The following CELF2 variants were observed in gnomAD, a reference collection of about 807,000 sequenced individuals.
CELF2 encodes the protein CUG triplet repeat RNA-binding protein 2.
In CELF2, 8 loss-of-function variants were observed where a neutral mutation model predicts 62.6. The observed-to-expected ratio is 0.13, with a 90% CI of 0.07 to 0.23. The LOEUF (loss-of-function observed/expected upper bound fraction) is 0.23. CELF2 is among the 10% of genes least tolerant of loss of function. CELF2 has a pLI of 1.00. For missense variants in CELF2, 333 were observed against 671.0 expected, an observed-to-expected ratio of 0.50 and a Z score of 5.56; for synonymous variants, 258 against 250.0, an observed-to-expected ratio of 1.03 and a Z score of -0.30.
At chr10:11,100,159 G>A (rs748627869) in intron 1 of CELF2, among the ~76,000 whole-genome samples, 2 of 151,982 alleles carry the variant, frequency 1.3e-5, no homozygotes, top group Non-Finnish European at 2.9e-5. Flanking sequence ...AGCGTAGATG[G>A]CGCCACTGCA....
At chr10:10,833,025 G>C (rs1456778348) in intron 1 of CELF2, among the ~76,000 whole-genome samples, 1 of 151,230 alleles carries the variant, frequency 6.6e-6, no homozygotes, top group Non-Finnish European at 1.5e-5. Flanking sequence ...GTGTGTGTGT[G>C]TGTGTGTGTG....
At chr10:10,717,209 A>G in the CELF2 span, among the ~76,000 whole-genome samples, 3 of 152,218 alleles carry the variant, frequency 2.0e-5, no homozygotes, top group African/African-American at 7.2e-5. Context: ...ATGACTCTAT[A>G]GTAATGGAAA....
At chr10:10,763,349 G>T in the CELF2 span, among the ~76,000 whole-genome samples, 26 of 152,286 alleles carry the variant, frequency 1.7e-4, no homozygotes, top group Admixed American at 1.3e-3. Flanking sequence ...GCCTTGTGAT[G>T]TGGTCTGTGA....
chr10:10,915,687 A>G (rs1370272463), intron 1 of CELF2, among the ~76,000 whole-genome samples: 2 of 152,184 alleles, frequency 1.3e-5, no homozygotes, highest in East Asian at 1.9e-4. Flanking sequence ...CTCCTACCTC[A>G]GCCTCCCAAA....
chr10:11,078,482 C>T (rs1594760428), intron 1 of CELF2, among the ~76,000 whole-genome samples: 1 of 152,240 alleles, frequency 6.6e-6, no homozygotes, highest in African/African-American at 2.4e-5. Context: ...TTTTCCTTGG[C>T]CTCATTTTAA....
At chr10:11,016,828 T>TA (rs796734090), upstream of CELF2, among the ~76,000 whole-genome samples, 9 of 152,366 alleles carry the variant, frequency 5.9e-5, no homozygotes, top group African/African-American at 2.2e-4. The surrounding 1 kb of genome is among the most constrained non-coding windows in gnomAD (Gnocchi z 5.2). Flanking sequence ...TATGGATGTA[T>TA]AGCTGTATAG....
At chr10:10,706,798 C>T in the CELF2 span, among the ~76,000 whole-genome samples, 10 of 152,164 alleles carry the variant, frequency 6.6e-5, no homozygotes, top group African/African-American at 2.4e-4. Flanking sequence ...CTTTCTTTGC[C>T]TAGATTTTAC....
intron 1 of CELF2, among the ~76,000 whole-genome samples, chr10:11,146,536 T>C (rs1378151431): frequency 6.6e-6 from 1 of 152,222 alleles, no homozygotes; most frequent in Non-Finnish European, 1.5e-5. Flanking sequence ...TCTGTGGTCA[T>C]GGTTAACTGG....
chr10:10,482,727 G>T, the CELF2 span, among the ~76,000 whole-genome samples: 1 of 152,014 alleles, frequency 6.6e-6, no homozygotes, highest in Admixed American at 6.5e-5. Flanking sequence ...TAAACAACTC[G>T]CCTGTGAACA....
the CELF2 span, among the ~76,000 whole-genome samples, chr10:10,761,047 T>C: frequency 2.0e-5 from 3 of 152,204 alleles, no homozygotes; most frequent in Non-Finnish European, 2.9e-5. Context: ...TATTGTCCCA[T>C]AGACTTCTAT....
At chr10:10,769,347 CA>C in the CELF2 span, among the ~76,000 whole-genome samples, 12 of 152,278 alleles carry the variant, frequency 7.9e-5, no homozygotes, top group Non-Finnish European at 1.6e-4. Flanking sequence ...GATCAAGGGA[CA>C]GGGGCTAGAA....
the CELF2 span, among the ~76,000 whole-genome samples, chr10:10,533,163 T>C: frequency 1.1e-4 from 17 of 152,296 alleles, no homozygotes; most frequent in African/African-American, 3.9e-4. Context: ...TTAGAGTACA[T>C]TTCAATGTGG....
the CELF2 span, among the ~76,000 whole-genome samples, chr10:10,622,815 C>T: frequency 9.2e-5 from 14 of 151,966 alleles, no homozygotes; most frequent in Admixed American, 3.3e-4. Flanking sequence ...GCAGGGAAGC[C>T]GGGCGCGGTG....
the CELF2 span, among the ~76,000 whole-genome samples, chr10:10,716,267 C>T: frequency 6.6e-6 from 1 of 152,126 alleles, no homozygotes; most frequent in African/African-American, 2.4e-5. Context: ...TCATTGAGGC[C>T]GGGCACAGTG....
At chr10:10,861,545 C>A (rs1242782899) in intron 1 of CELF2, among the ~76,000 whole-genome samples, 1 of 152,172 alleles carries the variant, frequency 6.6e-6, no homozygotes. Flanking sequence ...GATCCCTAGA[C>A]AATTTCTCAG....
intron 1 of CELF2, among the ~76,000 whole-genome samples, chr10:11,009,074 G>T (rs1356004839): frequency 6.6e-6 from 1 of 150,910 alleles, no homozygotes; most frequent in African/African-American, 2.4e-5. Flanking sequence ...CCTGGATATG[G>T]GATTCTTTTT....
At chr10:11,294,797 G>C (rs1182123582) in intron 9 of CELF2, among the ~76,000 whole-genome samples, 1 of 152,200 alleles carries the variant, frequency 6.6e-6, no homozygotes, top group Non-Finnish European at 1.5e-5. Context: ...AGTAATCCCA[G>C]CTACTCGGGA....
the CELF2 span, among the ~76,000 whole-genome samples, chr10:10,547,401 T>C: frequency 5.9e-5 from 9 of 152,336 alleles, no homozygotes; most frequent in South Asian, 1.7e-3. Flanking sequence ...TGACTTTGCC[T>C]GTGACAGAGT....
In CELF2 at chr10:11,165,853, C is replaced by G. The variant is rs2066950486; in HGVS notation, c.271+171C>G. Reference sequence around the variant, plus strand: ...GGCTGCTCCCGACTCCTCCCCGCACCCCCGCCCGCCTGCCCGCCGGGACAG... The same window carrying G: ...GGCTGCTCCCGACTCCTCCCCGCACGCCCGCCCGCCTGCCCGCCGGGACAG... On this transcript the variant is annotated intron_variant, in intron 2 of 12. Coordinates refer to ENST00000633077, the MANE Select transcript of CELF2 (RefSeq NM_001326342.2). The surrounding 1 kb of genome is among the most constrained non-coding windows in gnomAD (Gnocchi z 7.4). 6.6e-6 allele frequency among the ~76,000 whole-genome samples: 1 copy of G among 152,188 alleles called. No homozygotes were observed. The highest frequency in any genetic ancestry group is 6.5e-5 in the Admixed American group (1 of 15,288).
Sources: allele counts gnomAD v4.1 joint callset (sites outside exome capture counted in the v4.1 genomes callset), GRCh38; gene constraint gnomAD v4.1.1; non-coding constraint Gnocchi (gnomAD v3.1); transcripts MANE v1.5; gene names NCBI Gene and HGNC (gene_info 2026-07-23, HGNC 2026-07-21).